The following SLC38A8 variants were observed in gnomAD, a reference collection of about 807,000 sequenced individuals.
The protein encoded by SLC38A8 is solute carrier family 38 member 8.
A neutral mutation model predicts 46.0 loss-of-function variants in SLC38A8; 65 were observed. The ratio of observed to expected loss-of-function variants is 1.41; its 90% confidence interval spans 1.16 to 1.74. The LOEUF (loss-of-function observed/expected upper bound fraction) is 1.74, where lower values mean the gene tolerates loss of function less well. Ranked by LOEUF, SLC38A8 falls within the 40% of genes most tolerant of loss-of-function variation. The pLI is 0.00. For missense variants in SLC38A8, 998 were observed against 567.9 expected, an observed-to-expected ratio of 1.76 and a Z score of -7.70; for synonymous variants, 447 against 243.7, an observed-to-expected ratio of 1.83 and a Z score of -7.77.
intron 4 of SLC38A8, among the ~76,000 whole-genome samples, chr16:84,032,686 G>A (rs80309004): frequency 0.03 from 4,576 of 152,318 alleles, 224 homozygotes; most frequent in African/African-American, 0.1. Flanking sequence ...GAGACCTGAG[G>A]GAGGCTCGGG....
chr16:84,012,213 T>A (rs940114508), intron 10 of SLC38A8, among the ~76,000 whole-genome samples: 1 of 152,176 alleles, frequency 6.6e-6, no homozygotes, highest in Non-Finnish European at 1.5e-5. Context: ...ATCTATGGGA[T>A]GGGAGGGAGT....
chr16:84,020,637 G>A (rs1400911926), intron 7 of SLC38A8, among the ~76,000 whole-genome samples: 2 of 152,176 alleles, frequency 1.3e-5, no homozygotes, highest in Non-Finnish European at 1.5e-5. Flanking sequence ...TCTGTGCCAG[G>A]GTCCCGGGAG....
At chr16:84,039,005 G>C (rs1016078225) in intron 2 of SLC38A8, among the ~76,000 whole-genome samples, 1 of 152,156 alleles carries the variant, frequency 6.6e-6, no homozygotes, top group Non-Finnish European at 1.5e-5. Flanking sequence ...TGAAAAAGGG[G>C]TTTGCCTCTA....
At position 84,034,004 on chromosome 16, in the gene SLC38A8, C is replaced by T. The variant is rs2085275182; in HGVS notation, c.389-535G>A. ...TAGTACAGGGCCAGGCTGGCCAATC[C>T]TCCTCCATATAGAATTGGCTGAGGT... On this transcript the variant is annotated intron_variant, in intron 3 of 10. Coordinates refer to ENST00000299709, the MANE Select transcript of SLC38A8 (RefSeq NM_001080442.3). Among the ~76,000 whole-genome samples the T allele has an allele frequency of 2.0e-5, 3 of 152,316 alleles. No homozygotes were observed. In the South Asian group the frequency reaches 6.2e-4, roughly 32 times the overall value.
At chr16:84,023,453 T>C (rs2085119787) in intron 6 of SLC38A8, among the ~76,000 whole-genome samples, 1 of 152,128 alleles carries the variant, frequency 6.6e-6, no homozygotes, top group Admixed American at 6.6e-5. Context: ...TTTTGAGCGT[T>C]ATTCCCAACA....
Position 84,009,866 on chromosome 16 carries a change from T to G in SLC38A8, c.1226A>C (p.Glu409Ala), listed in dbSNP as rs778350884. The change falls in exon 11 of 11, where the codon GAG becomes GCG. Residue 409 changes from glutamate (E) to alanine (A), a missense_variant. By Grantham distance (107) the Glu-to-Ala change is moderately radical (BLOSUM62 -1). Coordinates refer to ENST00000299709, the MANE Select transcript of SLC38A8 (RefSeq NM_001080442.3). The stretch of plus-strand genomic sequence containing the variant: ...CAGCACAGAGACCACTCCCCAGACC[T>G]CCAGGCAGCACCTGCCAAGTGAATA... The part of the protein sequence containing the change: ...PIGPRVKCCL[E>A]VWGVVSVLVG... 1.2e-6 allele frequency: 2 copies of G among 1,613,588 alleles called. No homozygotes were observed. The highest frequency in any genetic ancestry group is 8.5e-7 in the Non-Finnish European group (1 of 1,179,844).
In SLC38A8 at chr16:84,017,343, C is replaced by G. The variant is rs1567692135; in HGVS notation, c.806-56G>C. 12 of 1,590,062 alleles carry G rather than the reference C, an allele frequency of 7.5e-6. No homozygotes were observed. In the South Asian group the frequency reaches 1.1e-4, roughly 15 times the overall value. On this transcript the variant is annotated intron_variant, in intron 7 of 10. Coordinates refer to ENST00000299709, the MANE Select transcript of SLC38A8 (RefSeq NM_001080442.3). ...GTGGATTAGGAAAATGCTGCCCCCTCCCCCACCAACAGACAGACAGCGCCT... is the reference window on the plus strand; with the variant it reads ...GTGGATTAGGAAAATGCTGCCCCCTGCCCCACCAACAGACAGACAGCGCCT...
At chr16:84,033,554 G>C (rs973622783) in intron 3 of SLC38A8, 85 bp from the exon 4 acceptor site, 42 of 1,455,242 alleles carry the variant, frequency 2.9e-5, no homozygotes, top group Non-Finnish European at 3.2e-5. Flanking sequence ...ACCCTGGCTG[G>C]GGTTGGACAT....
chr16:84,013,729 CTTTTTTTTT>C (rs11352373), intron 9 of SLC38A8, among the ~76,000 whole-genome samples: 1 of 138,712 alleles, frequency 7.2e-6, no homozygotes, highest in Non-Finnish European at 1.6e-5. Context: ...GCACCCAGCC[CTTTTTTTTT>C]TTTTTTTTAA....
intron 2 of SLC38A8, among the ~76,000 whole-genome samples, chr16:84,038,770 C>A (rs973336340): frequency 6.6e-6 from 1 of 152,190 alleles, no homozygotes; most frequent in African/African-American, 2.4e-5. Context: ...TATTTTCCAC[C>A]TTTACGTAAT....
rs747390915 is a variant in SLC38A8, at chr16:84,033,444, G to C, written c.414C>G (p.Thr138=). Reference sequence around the variant, plus strand: ...CGTACCACGGCTGCGGGGCGGGCGGGGTGCCAGACAGGAGGGAGTCACACA... The same window carrying C: ...CGTACCACGGCTGCGGGGCGGGCGGCGTGCCAGACAGGAGGGAGTCACACA... The part of the protein sequence containing the change: ...EKLCDSLLSG[T]PPAPQPWYAD... The change falls in exon 4 of 11, where the codon ACC becomes ACG. Residue 138 remains threonine (T), a synonymous_variant. Transcript: ENST00000299709. 1 of 1,609,658 alleles carries C rather than the reference G, an allele frequency of 6.2e-7. No homozygotes were observed. The highest frequency in any genetic ancestry group is 8.5e-7 in the Non-Finnish European group (1 of 1,178,218).
At chr16:84,030,125 G>A (rs1021326892) in intron 5 of SLC38A8, among the ~76,000 whole-genome samples, 2 of 152,182 alleles carry the variant, frequency 1.3e-5, no homozygotes, top group Non-Finnish European at 2.9e-5. Context: ...TATTGGAAGG[G>A]AAAACAGACA....
chr16:84,009,767 C>A lies in SLC38A8; in HGVS notation c.*17G>T. 1 of 1,610,862 alleles carries A rather than the reference C, an allele frequency of 6.2e-7. No individual in the cohort carries two copies. Among genetic ancestry groups the A allele is most frequent in the Non-Finnish European group, 8.5e-7 (1 of 1,178,566 alleles). On this transcript the variant is annotated 3_prime_UTR_variant, in exon 11 of 11. Transcript: ENST00000299709. ...CAGCCCCCGGAGGGCCCCTTCCTGC[C>A]CGGCACTAGCTGCCCATCAGAACAT... is the stretch of plus-strand genomic sequence containing the variant.
At chr16:84,030,399 G>A (rs578097705) in intron 5 of SLC38A8, among the ~76,000 whole-genome samples, 1 of 152,204 alleles carries the variant, frequency 6.6e-6, no homozygotes, top group Admixed American at 6.5e-5. Context: ...CACCGGCTCA[G>A]TGTACAGATC....
chr16:84,029,612 C>A (rs964507018), intron 5 of SLC38A8, 61 bp from the exon 6 acceptor site: 109 of 1,527,546 alleles, frequency 7.1e-5, no homozygotes, highest in Non-Finnish European at 9.2e-5. Flanking sequence ...CAACCTGCGG[C>A]TGCAATGGTG....
intron 10 of SLC38A8, among the ~76,000 whole-genome samples, chr16:84,010,687 T>C (rs1487639563): frequency 2.0e-5 from 3 of 152,112 alleles, no homozygotes; most frequent in Non-Finnish European, 4.4e-5. Context: ...GAGGTCGCAG[T>C]GAGCCAAGAT....
Position 84,036,865 on chromosome 16 carries a change from G to A in SLC38A8, c.225C>T (p.Ile75=), listed in dbSNP as rs1597278335. The change falls in exon 3 of 11, where the codon ATC becomes ATT. Residue 75 remains isoleucine (I), a synonymous_variant. Transcript: ENST00000299709. ...SLVFLISGLV[I]LGYAAAVSGQ... ...CACTGACAGCAGCAGCATAGCCCAGGATGACCAGCCCGCTGATCAGGAAGA... is the reference window on the plus strand; with the variant it reads ...CACTGACAGCAGCAGCATAGCCCAGAATGACCAGCCCGCTGATCAGGAAGA... The A allele has an allele frequency of 6.2e-7, 1 of 1,613,334 alleles. No homozygotes were observed. Among genetic ancestry groups the A allele is most frequent in the Non-Finnish European group, 8.5e-7 (1 of 1,179,986 alleles).
At chr16:84,025,140 C>T (rs1010937937) in intron 6 of SLC38A8, among the ~76,000 whole-genome samples, 1 of 134,300 alleles carries the variant, frequency 7.4e-6, no homozygotes, top group African/African-American at 2.7e-5. Flanking sequence ...CTGCTCTGTC[C>T]AGACACACCG....
chr16:84,016,995 A>G (rs1003925893), intron 8 of SLC38A8, 145 bp downstream of exon 8: 8 of 1,235,416 alleles, frequency 6.5e-6, no homozygotes, highest in Non-Finnish European at 8.8e-6. Flanking sequence ...CAATCTACCT[A>G]AATCCTCTGT....
Sources: allele counts gnomAD v4.1 joint callset (sites outside exome capture counted in the v4.1 genomes callset), GRCh38; gene constraint gnomAD v4.1.1; transcripts MANE v1.5; gene names NCBI Gene and HGNC (gene_info 2026-07-23, HGNC 2026-07-21).